The following HK1 variants were observed in gnomAD, a reference collection of about 807,000 sequenced individuals.
HK1 encodes hexokinase 1.
Under a neutral mutation model 91.6 loss-of-function variants are expected in HK1, and 28 were observed. The observed-to-expected ratio is 0.31, with a 90% confidence interval of 0.23 to 0.42. HK1 has a LOEUF of 0.42. HK1 is among the 10% of genes least tolerant of loss of function. The pLI is 1.00. For missense variants in HK1, 770 were observed against 1,219.8 expected (o/e 0.63, Z 5.49); for synonymous variants, 430 against 468.1 (o/e 0.92, Z 1.05).
rs1318949621 is a variant in HK1, at chr10:69,401,324, C to G, written c.*189C>G. ...AGAGCGTGTGCTGTTGATAATATCT[C>G]TCACCCGGATCCCTCCTCACTTGCC... On this transcript the variant is annotated 3_prime_UTR_variant, in exon 18 of 18. Transcript: ENST00000359426. The G allele has an allele frequency of 1.8e-5, 12 of 663,380 alleles. No individual in the cohort carries two copies. The highest frequency in any genetic ancestry group is 3.1e-5 in the Non-Finnish European group (12 of 386,630). The allele number at this position is 663,380 out of a possible 1,614,324, so 41.1% of individuals were successfully genotyped here.
At chr10:69,304,411 G>A (rs960538624) in intron 5 of HK1, among the ~76,000 whole-genome samples, 3 of 151,876 alleles carry the variant, frequency 2.0e-5, no homozygotes, top group African/African-American at 2.4e-5. Context: ...GGATTCAAGC[G>A]ATTCTCCTGC....
intron 4 of HK1, among the ~76,000 whole-genome samples, chr10:69,297,338 TA>T (rs1845615552): frequency 6.6e-6 from 1 of 151,902 alleles, no homozygotes. Context: ...GAGGAGGAGG[TA>T]GAGGAGGGCT....
At chr10:69,371,006 C>T (rs570900156) in intron 7 of HK1, among the ~76,000 whole-genome samples, 101 of 149,086 alleles carry the variant, frequency 6.8e-4, no homozygotes, top group African/African-American at 2.5e-3. Flanking sequence ...ACTCTGTAGA[C>T]CTAATAACCC....
At position 69,390,076 on chromosome 10, in the gene HK1, T is replaced by C. The variant is rs115425220; in HGVS notation, c.2035+780T>C. On this transcript the variant is annotated intron_variant, in intron 14 of 17. Transcript: ENST00000359426. Reference sequence around the variant, plus strand: ...GCTACTGGATCAGTTGCTGAGTGTCTAGAGCTTGGGAAGAGGCCCCAGCAG... The same window carrying C: ...GCTACTGGATCAGTTGCTGAGTGTCCAGAGCTTGGGAAGAGGCCCCAGCAG... 7.2e-3 allele frequency among the ~76,000 whole-genome samples: 1,092 copies of C among 152,318 alleles called. 14 individuals are homozygous for C. Among genetic ancestry groups the C allele is most frequent in the African/African-American group, 0.025 (1,045 of 41,570 alleles).
At chr10:69,292,222 C>T (rs1033582492) in intron 3 of HK1, 5 of 322,516 alleles carry the variant, frequency 1.6e-5, no homozygotes, top group African/African-American at 1.1e-4. Flanking sequence ...AGGCGTGTGC[C>T]CCCACAACCA....
At chr10:69,334,801 C>T (rs1589501175) in intron 1 of HK1, among the ~76,000 whole-genome samples, 1 of 152,304 alleles carries the variant, frequency 6.6e-6, no homozygotes, top group East Asian at 1.9e-4. Context: ...GAAAGACACA[C>T]ACCACGAAGT....
intron 4 of HK1, among the ~76,000 whole-genome samples, chr10:69,366,917 C>T (rs558448888): frequency 6.6e-6 from 1 of 152,202 alleles, no homozygotes; most frequent in African/African-American, 2.4e-5. Flanking sequence ...TGAGTGCCAT[C>T]CCTGTGCCAG....
chr10:69,345,371 G>C (rs763628681), intron 2 of HK1, among the ~76,000 whole-genome samples: 4 of 152,120 alleles, frequency 2.6e-5, no homozygotes, highest in South Asian at 4.1e-4. Context: ...GTCTACCCTG[G>C]GTGTGTTCGC....
rs372138482 is a variant in HK1 at position 69,380,123 on chromosome 10, A to G, written c.1265+28A>G. On this transcript the variant is annotated intron_variant, in intron 9 of 17. Transcript: ENST00000359426. The surrounding 1 kb of genome is among the most constrained non-coding windows in gnomAD (Gnocchi z 4.0). The stretch of plus-strand genomic sequence containing the variant: ...GAGTCTGCCCTTTGCTATCATTGGC[A>G]CTCTGTACCCATTGTGGGTAGGGAC... 1 of 1,563,852 alleles carries G rather than the reference A, an allele frequency of 6.4e-7. No individual in the cohort carries two copies. Among genetic ancestry groups the G allele is most frequent in the South Asian group, 1.1e-5 (1 of 90,088 alleles).
chr10:69,328,228 G>C (rs1028946455), intron 1 of HK1, among the ~76,000 whole-genome samples: 20 of 152,172 alleles, frequency 1.3e-4, no homozygotes. Flanking sequence ...GAAGTCGGCG[G>C]CTCAGCCCTT....
upstream of HK1, chr10:69,318,030 A>G (rs991765443): frequency 1.0e-5 from 10 of 985,098 alleles, no homozygotes; most frequent in Non-Finnish European, 1.2e-5. Context: ...CAAGAGCAAG[A>G]GGAGGCCCAG....
chr10:69,276,277 T>G (rs1380457823), intron 1 of HK1, among the ~76,000 whole-genome samples: 2 of 151,608 alleles, frequency 1.3e-5, no homozygotes, highest in Non-Finnish European at 2.9e-5. Flanking sequence ...AAAATACATT[T>G]AAATTTATTC....
Position 69,288,772 on chromosome 10 carries a change from T to C in HK1, c.-115+2T>C, listed in dbSNP as rs2132453874. On this transcript the variant is annotated splice_donor_variant, in intron 3 of 21. Transcript: ENST00000360289. LOFTEE classifies it low-confidence loss of function (5UTR_SPLICE). ...GGGCAGATCTGCCAGCGAGAATCGG[T>C]AAGCTCTGGTGTTTCTTTCTTTCTT... 1 of 1,613,028 alleles carries C rather than the reference T, an allele frequency of 6.2e-7. No individual in the cohort carries two copies. Among genetic ancestry groups the C allele is most frequent in the African/African-American group, 1.3e-5 (1 of 75,018 alleles).
At chr10:69,276,118 A>AAAAAAAAAAAAAAAAATAT in intron 1 of HK1, among the ~76,000 whole-genome samples, 1 of 38,262 alleles carries the variant, frequency 2.6e-5, no homozygotes. Flanking sequence ...AAAAAAAAAA[A>AAAAAAAAAAAAAAAAATAT]ATACATATAT....
chr10:69,392,630 A>AG (rs1459796646), intron 15 of HK1, among the ~76,000 whole-genome samples: 1 of 152,098 alleles, frequency 6.6e-6, no homozygotes, highest in Non-Finnish European at 1.5e-5. Context: ...GGGTGGGGTG[A>AG]GGGTGGCTGG....
chr10:69,354,853 T>C (rs1385686408), intron 2 of HK1, among the ~76,000 whole-genome samples: 1 of 151,786 alleles, frequency 6.6e-6, no homozygotes, highest in Non-Finnish European at 1.5e-5. Context: ...GGATCACCTG[T>C]GGTCAGGAGT....
At chr10:69,327,971 C>A (rs908165928) in intron 1 of HK1, among the ~76,000 whole-genome samples, 2 of 152,196 alleles carry the variant, frequency 1.3e-5, no homozygotes, top group African/African-American at 2.4e-5. Context: ...GGATGGCTCT[C>A]CATGGCCCCT....
chr10:69,321,449 T>C (rs1231962910), intron 1 of HK1, among the ~76,000 whole-genome samples: 1 of 152,206 alleles, frequency 6.6e-6, no homozygotes, highest in Admixed American at 6.5e-5. Context: ...CCTGTGGGGC[T>C]GGACTCTGCC....
chr10:69,328,525 C>T lies in HK1; in HGVS notation c.63+9515C>T, dbSNP rs181006060. Among the ~76,000 whole-genome samples the T allele has an allele frequency of 8.5e-5, 13 of 152,334 alleles. No individual in the cohort carries two copies. The South Asian group carries it at 1.9e-3, about 22-fold the overall frequency. The stretch of plus-strand genomic sequence containing the variant: ...GCCTTTGCTTAGTTCATCCCCACAA[C>T]GCCCTTGTGAGGTGGGTGTGATTTC... On this transcript the variant is annotated intron_variant, in intron 1 of 17. Transcript: ENST00000359426.
Sources: gnomAD v4.1 joint callset for allele counts (sites outside exome capture counted in the v4.1 genomes callset) on GRCh38, gnomAD v4.1.1 for gene constraint, Gnocchi (gnomAD v3.1) non-coding constraint, MANE v1.5 for transcripts, NCBI Gene and HGNC (gene_info 2026-07-23, HGNC 2026-07-21) for gene names.